Variants in ADGB observed in about 807,000 individuals in gnomAD.
ADGB encodes the protein calpain-7-like protein.
In ADGB, 172 loss-of-function variants were observed where a neutral mutation model predicts 210.5. That is an observed-to-expected ratio of 0.82 (90% CI 0.72 to 0.93). The LOEUF (loss-of-function observed/expected upper bound fraction) is 0.93, where lower values mean the gene tolerates loss of function less well. Ranked by LOEUF, ADGB falls within the 40% of genes least tolerant of loss-of-function variation. The pLI is 0.00. For synonymous variants in ADGB, 658 were observed against 662.7 expected, an observed-to-expected ratio of 0.99 and a Z score of 0.11; for missense variants, 2,025 against 1,964.8, an observed-to-expected ratio of 1.03 and a Z score of -0.58.
At position 146,791,517 on chromosome 6, in the gene ADGB, AT is replaced by A. The variant is rs200415557; in HGVS notation, c.4537+2913del. Among the ~76,000 whole-genome samples, 355 of 151,798 alleles carry A rather than the reference AT, an allele frequency of 2.3e-3. 10 individuals carry two copies. The East Asian group carries it at 0.043, about 18-fold the overall frequency. On this transcript the variant is annotated intron_variant, in intron 33 of 35. Coordinates refer to ENST00000397944, the MANE Select transcript of ADGB (RefSeq NM_024694.4). ...TGCCACCATTTCTGGTGAATATTTT[AT>A]TTTTTATAGAGATGAGGTCTCACTA...
chr6:146,694,406 G>C (rs1776377165), intron 12 of ADGB, among the ~76,000 whole-genome samples: 1 of 152,088 alleles, frequency 6.6e-6, no homozygotes, highest in South Asian at 2.1e-4. Context: ...GCTCTCTGGG[G>C]TACCTTTTAC....
intron 29 of ADGB, among the ~76,000 whole-genome samples, chr6:146,779,062 G>GAAAA (rs376129193): frequency 2.4e-5 from 3 of 125,320 alleles, no homozygotes; most frequent in Non-Finnish European, 3.4e-5. Flanking sequence ...AGTAGCTTTG[G>GAAAA]AAAAAAAAAA....
chr6:146,811,370 A>C (rs1380499345), intron 35 of ADGB, among the ~76,000 whole-genome samples: 2 of 152,112 alleles, frequency 1.3e-5, no homozygotes, highest in Non-Finnish European at 2.9e-5. Context: ...TCCATGGTAC[A>C]AATATACCAT....
chr6:146,810,134 A>G (rs577673275), intron 35 of ADGB, among the ~76,000 whole-genome samples: 1 of 152,322 alleles, frequency 6.6e-6, no homozygotes, highest in South Asian at 2.1e-4. Context: ...ACCTGGTTTT[A>G]AAAATGGGCA....
chr6:146,599,480 G>A (rs1780520671), intron 1 of ADGB, among the ~76,000 whole-genome samples: 1 of 152,098 alleles, frequency 6.6e-6, no homozygotes, highest in Non-Finnish European at 1.5e-5. Context: ...TCATGGCCCC[G>A]GAAATGATAC....
intron 5 of ADGB, among the ~76,000 whole-genome samples, chr6:146,662,342 G>A (rs1252369589): frequency 3.3e-5 from 5 of 151,782 alleles, no homozygotes. Flanking sequence ...ATATTTTCCT[G>A]TTATTCGTAA....
chr6:146,774,462 T>G (rs1777694568), intron 29 of ADGB, among the ~76,000 whole-genome samples: 1 of 152,158 alleles, frequency 6.6e-6, no homozygotes, highest in South Asian at 2.1e-4. Context: ...TAAAATTAAA[T>G]TACACTTTGG....
chr6:146,733,034 ATTTTTAGAGTATCTAAAAAT>A lies in ADGB; in HGVS notation c.2521-76_2521-57del, dbSNP rs1251381323. ...ATCTGAGAAATGGTTTTTATTTTTTATTTTTAGAGTATCTAAAAATTTTTTAGAGCTTCTCTGGCCAGATG... is the reference window on the plus strand; with the variant it reads ...ATCTGAGAAATGGTTTTTATTTTTTATTTTTAGAGCTTCTCTGGCCAGATG... On this transcript the variant is annotated intron_variant, in intron 20 of 35. Coordinates refer to ENST00000397944, the MANE Select transcript of ADGB (RefSeq NM_024694.4). 5 of 1,057,048 alleles carry A rather than the reference ATTTTTAGAGTATCTAAAAAT, an allele frequency of 4.7e-6. No homozygotes were observed. In the Admixed American group the frequency reaches 1.8e-4, roughly 37 times the overall value. The allele number at this position is 1,057,048 out of a possible 1,614,324, so 65.5% of individuals were successfully genotyped here. A position where few individuals can be genotyped will look rare whatever the true frequency, so the allele number is the denominator to read the frequency against.
chr6:146,763,226 C>T (rs568697583), intron 27 of ADGB, among the ~76,000 whole-genome samples: 10 of 152,226 alleles, frequency 6.6e-5, no homozygotes, highest in Middle Eastern at 3.4e-3. Flanking sequence ...GTATATTTTC[C>T]GGTGGCTAAA....
rs1776798793 is a variant in ADGB, at chr6:146,720,658, C to T, written c.1993-745C>T. Among the ~76,000 whole-genome samples the T allele has an allele frequency of 1.3e-5, 2 of 152,052 alleles. 1 individual carries two copies. Among genetic ancestry groups the T allele is most frequent in the South Asian group, 4.1e-4 (2 of 4,830 alleles). On this transcript the variant is annotated intron_variant, in intron 16 of 35. Coordinates refer to ENST00000397944, the MANE Select transcript of ADGB (RefSeq NM_024694.4). ...TACAGAAAGCATGGCTGGGAGGGCT[C>T]AGGAAATTTACAGTCATGGTGGAAG...
chr6:146,724,386 G>A, intron 18 of ADGB, 59 bp downstream of exon 18: 2 of 1,457,196 alleles, frequency 1.4e-6, no homozygotes, highest in South Asian at 1.5e-5. Context: ...GCAAATTGTT[G>A]GTTACTAAAG....
chr6:146,787,641 GC>G (rs1222967828), intron 32 of ADGB, among the ~76,000 whole-genome samples: 1 of 147,946 alleles, frequency 6.8e-6, no homozygotes, highest in African/African-American at 2.5e-5. Flanking sequence ...ATTTCTTCAT[GC>G]TCTTAAGTAC....
At chr6:146,729,325 T>G (rs573520331) in intron 20 of ADGB, among the ~76,000 whole-genome samples, 1 of 152,356 alleles carries the variant, frequency 6.6e-6, no homozygotes, top group Non-Finnish European at 1.5e-5. Flanking sequence ...TATTCTCTCT[T>G]CTTCAATTTT....
intron 9 of ADGB, among the ~76,000 whole-genome samples, chr6:146,676,982 C>T (rs1776094821): frequency 6.6e-6 from 1 of 152,116 alleles, no homozygotes; most frequent in Non-Finnish European, 1.5e-5. Flanking sequence ...TTATAATAGC[C>T]TCATTGTATA....
chr6:146,676,470 C>A (rs1776086374), intron 9 of ADGB, 29 bp downstream of exon 9: 2 of 1,316,982 alleles, frequency 1.5e-6, no homozygotes, highest in Non-Finnish European at 9.8e-7. Context: ...AGAATAATAA[C>A]TATTTTAGTT....
At chr6:146,623,438 A>G (rs1780925060) in intron 1 of ADGB, among the ~76,000 whole-genome samples, 5 of 151,880 alleles carry the variant, frequency 3.3e-5, no homozygotes, top group Non-Finnish European at 7.4e-5. Flanking sequence ...TCTATTCCCA[A>G]GGATCTCTTA....
chr6:146,771,072 T>C (rs189457160), intron 29 of ADGB, among the ~76,000 whole-genome samples: 23 of 152,148 alleles, frequency 1.5e-4, no homozygotes, highest in Admixed American at 3.3e-4. Context: ...TGTGAGTAAA[T>C]GTCATATGAA....
At position 146,752,625 on chromosome 6, in the gene ADGB, A is replaced by G; in HGVS notation, c.3461A>G (p.Glu1154Gly). The G allele has an allele frequency of 6.4e-7, 1 of 1,551,032 alleles. No homozygotes were observed. The highest frequency in any genetic ancestry group is 8.7e-7 in the Non-Finnish European group (1 of 1,146,504). ...AFIKLQVLEN[E>G]ETMVSSTGKG... Reference sequence around the variant, plus strand: ...ATCAAGCTGCAGGTCCTAGAAAATGAAGAAACTATGGTGAGCTCCACTGGA... The same window carrying G: ...ATCAAGCTGCAGGTCCTAGAAAATGGAGAAACTATGGTGAGCTCCACTGGA... Residue 1154 changes from glutamate to glycine, a missense_variant, in exon 27 of 36, where the codon GAA becomes GGA. Transcript: ENST00000397944.
At chr6:146,660,175 C>T (rs151072943) in intron 5 of ADGB, among the ~76,000 whole-genome samples, 12 of 152,092 alleles carry the variant, frequency 7.9e-5, no homozygotes, top group African/African-American at 2.9e-4. Context: ...AGCCTGCAAT[C>T]CTGCATTATA....
Sources: allele counts gnomAD v4.1 joint callset (sites outside exome capture counted in the v4.1 genomes callset), GRCh38; gene constraint gnomAD v4.1.1; transcripts MANE v1.5; gene names NCBI Gene and HGNC (gene_info 2026-07-23, HGNC 2026-07-21).